Variants in PRKACB observed in about 807,000 individuals in gnomAD.
PRKACB encodes the protein protein kinase cAMP-activated catalytic subunit beta, also known as cAMP-dependent protein kinase catalytic subunit beta.
In PRKACB, 16 loss-of-function variants were observed where a neutral mutation model predicts 51.4. The ratio of observed to expected loss-of-function variants is 0.31; its 90% CI spans 0.21 to 0.47. The LOEUF is 0.47. Among genes scored for constraint, PRKACB ranks in the 20% least tolerant of loss-of-function variants. PRKACB has a pLI of 1.00. For missense variants in PRKACB, 309 were observed against 464.5 expected, an observed-to-expected ratio of 0.67 and a Z score of 3.08; for synonymous variants, 147 against 154.4, an observed-to-expected ratio of 0.95 and a Z score of 0.35.
intron 1 of PRKACB, among the ~76,000 whole-genome samples, chr1:84,093,950 G>A (rs997465814): frequency 4.6e-5 from 7 of 151,824 alleles, no homozygotes; most frequent in Non-Finnish European, 7.4e-5. Context: ...GAAATTTTAT[G>A]CTGACCTATC....
chr1:84,202,772 A>G lies in PRKACB; in HGVS notation c.873A>G (p.Pro291=). 1 of 1,608,106 alleles carries G rather than the reference A, an allele frequency of 6.2e-7. No individual in the cohort carries two copies. Among genetic ancestry groups the G allele is most frequent in the Middle Eastern group, 1.7e-4 (1 of 6,040 alleles). ...AGYPPFFADQ[P]IQIYEKIVSG... is the part of the protein sequence containing the mutation. ...ATCCCCCATTCTTTGCAGACCAACC[A>G]ATTCAGATTTATGAAAAGATTGTTT... The change falls in exon 8 of 10, where the codon CCA becomes CCG. Residue 291 remains proline, a synonymous_variant. Coordinates refer to ENST00000370685, the MANE Select transcript of PRKACB (RefSeq NM_182948.4).
chr1:84,189,107 G>A (rs1348667951), intron 5 of PRKACB, among the ~76,000 whole-genome samples: 1 of 151,776 alleles, frequency 6.6e-6, no homozygotes. Context: ...AAAATCTTCT[G>A]CAGTATGCTC....
At chr1:84,103,439 G>A (rs1431534435) in intron 1 of PRKACB, among the ~76,000 whole-genome samples, 2 of 151,770 alleles carry the variant, frequency 1.3e-5, no homozygotes, top group African/African-American at 2.4e-5. Context: ...GGGGGTGGGG[G>A]GTAGAGAAAG....
chr1:84,215,863 T>C (rs1423272250), intron 9 of PRKACB, among the ~76,000 whole-genome samples: 1 of 152,186 alleles, frequency 6.6e-6, no homozygotes, highest in Non-Finnish European at 1.5e-5. Flanking sequence ...ATTTTGAATA[T>C]ATTTAATTTT....
rs916259495 is a variant in PRKACB at position 84,085,990 on chromosome 1, C to T, written c.46+7619C>T. On this transcript the variant is annotated intron_variant, in intron 1 of 8. Coordinates refer to the PRKACB transcript ENST00000370688. ...AGACGCCAGTGCTTGTGGATTTCCACGCACAGTGGTGTGGACCCTGCAAGA... is the reference window on the plus strand; with the variant it reads ...AGACGCCAGTGCTTGTGGATTTCCATGCACAGTGGTGTGGACCCTGCAAGA... 3.7e-5 allele frequency: 27 copies of T among 728,332 alleles called. No homozygotes were observed. The East Asian group carries it at 3.9e-4, about 11-fold the overall frequency. 45.1% of individuals were successfully genotyped at this position (728,332 alleles called of 1,614,324 possible).
chr1:84,191,771 C>T (rs1666865682), intron 5 of PRKACB, among the ~76,000 whole-genome samples: 1 of 152,034 alleles, frequency 6.6e-6, no homozygotes, highest in Non-Finnish European at 1.5e-5. Flanking sequence ...TACCCCAAAC[C>T]TCAGGATCAT....
intron 8 of PRKACB, 75 bp from the exon 9 acceptor site, chr1:84,214,078 A>G: frequency 7.1e-7 from 1 of 1,418,342 alleles, no homozygotes; most frequent in Non-Finnish European, 9.3e-7. Flanking sequence ...CCTTGAAAAA[A>G]AAACTTTATG....
chr1:84,207,402 T>A (rs1306589254), intron 8 of PRKACB, among the ~76,000 whole-genome samples: 2 of 152,190 alleles, frequency 1.3e-5, no homozygotes, highest in African/African-American at 4.8e-5. Context: ...TCCAGGCTGA[T>A]TAAAGATGCC....
intron 1 of PRKACB, among the ~76,000 whole-genome samples, chr1:84,102,258 G>A (rs1649404442): frequency 6.6e-6 from 1 of 151,972 alleles, no homozygotes; most frequent in African/African-American, 2.4e-5. Context: ...GTGGTGTTGG[G>A]CACCTGTAGT....
At position 84,238,023 on chromosome 1, in the gene PRKACB, G is replaced by A. The variant is rs1451115105; in HGVS notation, c.*2718G>A. 6.6e-6 allele frequency: 1 copy of A among 152,058 alleles called. No homozygotes were observed. Among genetic ancestry groups the A allele is most frequent in the Non-Finnish European group, 1.5e-5 (1 of 67,970 alleles). The allele number at this position is 152,058 out of a possible 1,614,324, so 9.4% of individuals were successfully genotyped here. On this transcript the variant is annotated 3_prime_UTR_variant, in exon 10 of 10. Coordinates refer to ENST00000370685, the MANE Select transcript of PRKACB (RefSeq NM_182948.4). Reference sequence around the variant, plus strand: ...TCTCAATAAGGCAATATATTTTAGGGCATCTTTCTTCTTATCTCTGACAGT... The same window carrying A: ...TCTCAATAAGGCAATATATTTTAGGACATCTTTCTTCTTATCTCTGACAGT...
At chr1:84,182,994 A>T (rs1664015608) in intron 3 of PRKACB, among the ~76,000 whole-genome samples, 1 of 152,076 alleles carries the variant, frequency 6.6e-6, no homozygotes, top group African/African-American at 2.4e-5. Flanking sequence ...TTAGTTAAAT[A>T]AAAGGCCTAG....
chr1:84,151,371 T>C (rs1291487825), intron 1 of PRKACB, among the ~76,000 whole-genome samples: 2 of 152,202 alleles, frequency 1.3e-5, no homozygotes, highest in Non-Finnish European at 2.9e-5. Context: ...GGGTCTTGCA[T>C]TGATGTTTGC....
chr1:84,226,595 T>C (rs1674648228), intron 9 of PRKACB, among the ~76,000 whole-genome samples: 1 of 152,166 alleles, frequency 6.6e-6, no homozygotes, highest in Non-Finnish European at 1.5e-5. Context: ...CTAAATTCTG[T>C]TATTGATTTC....
At chr1:84,191,804 C>G (rs553006841) in intron 5 of PRKACB, among the ~76,000 whole-genome samples, 16 of 152,050 alleles carry the variant, frequency 1.1e-4, no homozygotes, top group African/African-American at 3.9e-4. Context: ...TGTAGCAAAC[C>G]TGCACATGTA....
chr1:84,149,928 G>T (rs957504255), intron 1 of PRKACB, among the ~76,000 whole-genome samples: 2 of 152,022 alleles, frequency 1.3e-5, no homozygotes, highest in Non-Finnish European at 2.9e-5. Context: ...TTGAGAATGT[G>T]TGAAAATAAT....
intron 1 of PRKACB, among the ~76,000 whole-genome samples, chr1:84,150,250 C>T (rs570585674): frequency 2.0e-5 from 3 of 151,966 alleles, no homozygotes; most frequent in East Asian, 3.9e-4. Flanking sequence ...TGCAGTCCAG[C>T]CTGGGTGACA....
chr1:84,148,066 C>T (rs776638335), intron 1 of PRKACB, among the ~76,000 whole-genome samples: 1 of 152,084 alleles, frequency 6.6e-6, no homozygotes, highest in Non-Finnish European at 1.5e-5. Flanking sequence ...TTTTGCTGGG[C>T]ATTTAATTAG....
intron 1 of PRKACB, among the ~76,000 whole-genome samples, chr1:84,128,014 T>G (rs1022921154): frequency 2.8e-5 from 4 of 144,108 alleles, no homozygotes; most frequent in African/African-American, 1.0e-4. Context: ...TTTCTTTTTT[T>G]TTTTTTTTTT....
chr1:84,105,550 T>G (rs558381118), intron 1 of PRKACB, among the ~76,000 whole-genome samples: 1 of 31,192 alleles, frequency 3.2e-5, no homozygotes, highest in South Asian at 6.9e-4. Flanking sequence ...AGCATTTATT[T>G]ATTTATTTAT....
Sources: gnomAD v4.1 joint callset for allele counts (sites outside exome capture counted in the v4.1 genomes callset) on GRCh38, gnomAD v4.1.1 for gene constraint, MANE v1.5 for transcripts, NCBI Gene and HGNC (gene_info 2026-07-23, HGNC 2026-07-21) for gene names.